The following CDKN1C variants were observed in gnomAD, a reference collection of about 807,000 sequenced individuals.
CDKN1C encodes cyclin dependent kinase inhibitor 1C, also known as cyclin-dependent kinase inhibitor 1C.
A neutral mutation model predicts 16.5 loss-of-function variants in CDKN1C; 7 were observed. That is an observed-to-expected ratio of 0.42 (90% CI 0.24 to 0.80). CDKN1C has a LOEUF of 0.80. CDKN1C is among the 30% of genes least tolerant of loss of function. The pLI is 0.26. For missense variants in CDKN1C, 429 were observed against 437.3 expected, an observed-to-expected ratio of 0.98 and a Z score of 0.17; for synonymous variants, 288 against 214.4, an observed-to-expected ratio of 1.34 and a Z score of -3.00.
Position 2,883,672 on chromosome 11 carries a change from T to C in CDKN1C, c.*249A>G. The C allele has an allele frequency of 1.2e-6, 1 of 812,848 alleles. No individual in the cohort carries two copies. The highest frequency in any genetic ancestry group is 1.7e-6 in the Non-Finnish European group (1 of 593,556). 50.4% of individuals were successfully genotyped at this position (812,848 alleles called of 1,614,324 possible). ...GAGTTTCAGCAGAGATTAAACATTT[T>C]ATATAAATGACTCTTAAAGCTTTAC... On this transcript the variant is annotated 3_prime_UTR_variant, in exon 4 of 4. Coordinates refer to ENST00000440480, the MANE Select transcript of CDKN1C (RefSeq NM_001122630.2).
rs747982670 is a variant in CDKN1C at position 2,885,310 on chromosome 11, G to A, written c.147C>T (p.Arg49=). 2 of 1,599,418 alleles carry A rather than the reference G, an allele frequency of 1.3e-6. No individual in the cohort carries two copies. Among genetic ancestry groups the A allele is most frequent in the South Asian group, 1.1e-5 (1 of 88,850 alleles). Residue 49 remains arginine, a synonymous_variant, in exon 2 of 4, where the codon CGC becomes CGT. Transcript: ENST00000440480. ...TGTCCTGCTGGAAGTCGTAATCCCA[G>A]CGGTTCTGGTCCTCGGCGTTCAGCT... is the stretch of plus-strand genomic sequence containing the variant. ...LAELNAEDQN[R]WDYDFQQDMP...
At chr11:2,884,626 A>C in intron 2 of CDKN1C, 44 bp downstream of exon 2, 7 of 1,168,602 alleles carry the variant, frequency 6.0e-6, no homozygotes, top group Non-Finnish European at 7.5e-6. Context: ...CGGCCGGACA[A>C]AGCGGGGCCG....
rs1265275989 is a variant in CDKN1C at position 2,884,723 on chromosome 11, G to A, written c.734C>T (p.Ala245Val). ...ISGRPAAGTA[A>V]ASANGAAIKK... is the part of the protein sequence containing the mutation. Reference sequence around the variant, plus strand: ...GATCGCCGCGCCGTTGGCGCTGGCGGCCGCGGTGCCGGCCGCGGGACGTCC... The same window carrying A: ...GATCGCCGCGCCGTTGGCGCTGGCGACCGCGGTGCCGGCCGCGGGACGTCC... The change falls in exon 2 of 4, where the codon GCC becomes GTC. Residue 245 changes from alanine to valine, a missense_variant. Transcript: ENST00000440480. 6.6e-7 allele frequency: 1 copy of A among 1,505,334 alleles called. No individual in the cohort carries two copies. The highest frequency in any genetic ancestry group is 8.8e-7 in the Non-Finnish European group (1 of 1,131,536). 93.2% of individuals were successfully genotyped at this position (1,505,334 alleles called of 1,614,324 possible).
In CDKN1C at chr11:2,884,651, G is replaced by T; in HGVS notation, c.787+19C>A. ...AAGCGGGGCCGGGCCGGGCCGGGGC[G>T]GGGCCGTGCGGGGCTCACCGGAGAT... is the stretch of plus-strand genomic sequence containing the variant. On this transcript the variant is annotated intron_variant, in intron 2 of 3. Transcript: ENST00000440480. The T allele has an allele frequency of 1.6e-6, 2 of 1,261,268 alleles. No homozygotes were observed. The highest frequency in any genetic ancestry group is 1.0e-6 in the Non-Finnish European group (1 of 996,092). The allele number at this position is 1,261,268 out of a possible 1,614,324, so 78.1% of individuals were successfully genotyped here. A position where few individuals can be genotyped will look rare whatever the true frequency, so the allele number is the denominator to read the frequency against.
At position 2,885,373 on chromosome 11, in the gene CDKN1C, G is replaced by T. The variant is rs760980314; in HGVS notation, c.84C>A (p.His28Gln). 1.3e-6 allele frequency: 2 copies of T among 1,580,140 alleles called. No individual in the cohort carries two copies. Among genetic ancestry groups the T allele is most frequent in the Non-Finnish European group, 8.6e-7 (1 of 1,166,098 alleles). ...ACRSLFGPVD[H>Q]EELSRELQAR... is the part of the protein sequence containing the mutation. ...CCTGCAGCTCGCGGCTCAGCTCCTC[G>T]TGGTCCACCGGCCCGAAGAGGCTGC... is the stretch of plus-strand genomic sequence containing the variant. The change falls in exon 2 of 4, where the codon CAC becomes CAA. Residue 28 changes from histidine to glutamine, a missense_variant. By Grantham distance (24) the His-to-Gln change is conservative (BLOSUM62 0). Coordinates refer to ENST00000440480, the MANE Select transcript of CDKN1C (RefSeq NM_001122630.2).
rs926634508 is a variant in CDKN1C, at chr11:2,885,720, G to C, written c.-97C>G. Reference sequence around the variant, plus strand: ...GCGCCCCCTCGATGCCTGCTGGCTAGCTCGCTCGCTCAGGCCTGGCCGGCA... The same window carrying C: ...GCGCCCCCTCGATGCCTGCTGGCTACCTCGCTCGCTCAGGCCTGGCCGGCA... On this transcript the variant is annotated 5_prime_UTR_variant, in exon 1 of 4. Transcript: ENST00000440480. 2 of 600,910 alleles carry C rather than the reference G, an allele frequency of 3.3e-6. No individual in the cohort carries two copies. Among genetic ancestry groups the C allele is most frequent in the Non-Finnish European group, 5.9e-6 (2 of 339,054 alleles). The allele number at this position is 600,910 out of a possible 1,614,324, so 37.2% of individuals were successfully genotyped here.
intron 2 of CDKN1C, 62 bp downstream of exon 2, chr11:2,884,608 G>A: frequency 2.8e-6 from 3 of 1,068,780 alleles, no homozygotes; most frequent in Non-Finnish European, 3.6e-6. Flanking sequence ...AGGGCTGGGG[G>A]GACCGGCCGG....
intron 2 of CDKN1C, 153 bp downstream of exon 2, chr11:2,884,517 G>C (rs1249063455): frequency 1.6e-5 from 6 of 384,864 alleles, no homozygotes; most frequent in Non-Finnish European, 2.6e-5. Flanking sequence ...GGCGGGGAGG[G>C]GGGTAAGGGC....
Position 2,885,233 on chromosome 11 carries a change from G to A in CDKN1C, c.224C>T (p.Ser75Leu), listed in dbSNP as rs897964106. Residue 75 changes from serine (S) to leucine (L), a missense_variant, in exon 2 of 4, where the codon TCG becomes TTG. Coordinates refer to ENST00000440480, the MANE Select transcript of CDKN1C (RefSeq NM_001122630.2). ...CGTCTCGCGGTAGAACGCGGGCACC[G>A]AGTCGCTGTCCACTTCGGTCCACTG... ...RLQWTEVDSD[S>L]VPAFYRETVQ... 1.9e-6 allele frequency: 3 copies of A among 1,552,432 alleles called. No homozygotes were observed. The highest frequency in any genetic ancestry group is 1.2e-5 in the South Asian group (1 of 84,550).
chr11:2,883,971 C>A (rs1848870093), intron 3 of CDKN1C, 28 bp downstream of exon 3: 9 of 1,543,396 alleles, frequency 5.8e-6, no homozygotes, highest in Non-Finnish European at 7.9e-6. Flanking sequence ...GTCGGCCCTC[C>A]GCGCCCCCCC....
chr11:2,883,949 G>T (rs1401840763), intron 3 of CDKN1C, 34 bp from the exon 4 acceptor site: 2 of 1,575,888 alleles, frequency 1.3e-6, no homozygotes. Context: ...AAAGCCGGCG[G>T]GGACCCGGCG....
Position 2,885,746 on chromosome 11 carries a change from C to T in CDKN1C, c.-123G>A. ...CTCGCTCGCTCAGGCCTGGCCGGCA[C>T]CCCTCGAGCACAGCGCACTTGGCCT... is the stretch of plus-strand genomic sequence containing the variant. On this transcript the variant is annotated 5_prime_UTR_variant, in exon 1 of 4. The change creates a new upstream start codon in the 5' untranslated region. Coordinates refer to ENST00000440480, the MANE Select transcript of CDKN1C (RefSeq NM_001122630.2). 1.7e-6 allele frequency: 1 copy of T among 583,444 alleles called. No individual in the cohort carries two copies. Among genetic ancestry groups the T allele is most frequent in the Non-Finnish European group, 3.1e-6 (1 of 327,422 alleles). The allele number at this position is 583,444 out of a possible 1,614,324, so 36.1% of individuals were successfully genotyped here.
At chr11:2,884,158 C>A in intron 2 of CDKN1C, 24 bp from the exon 3 acceptor site, 1 of 1,459,058 alleles carries the variant, frequency 6.9e-7, no homozygotes, top group Non-Finnish European at 9.1e-7. Context: ...CGCGCGCGGC[C>A]GGTCAGGGCG....
chr11:2,885,463 T>A lies in CDKN1C; in HGVS notation c.-7A>T. 1 of 1,545,684 alleles carries A rather than the reference T, an allele frequency of 6.5e-7. No individual in the cohort carries two copies. Among genetic ancestry groups the A allele is most frequent in the East Asian group, 2.4e-5 (1 of 40,956 alleles). ...GGGCGACAAGACGCTCCATCGTGGA[T>A]GTGCTGCGGAGGGACGCGTCGGACA... On this transcript the variant is annotated 5_prime_UTR_variant, in exon 2 of 4. Coordinates refer to ENST00000440480, the MANE Select transcript of CDKN1C (RefSeq NM_001122630.2).
intron 2 of CDKN1C, 32 bp downstream of exon 2, chr11:2,884,638 G>A: frequency 2.5e-6 from 3 of 1,206,788 alleles, no homozygotes; most frequent in South Asian, 3.1e-5. Flanking sequence ...GCGGGGCCGG[G>A]CCGGGCCGGG....
chr11:2,884,002 G>C lies in CDKN1C; in HGVS notation c.*2C>G. On this transcript the variant is annotated 3_prime_UTR_variant, in exon 3 of 4. Transcript: ENST00000440480. ...CCCCCAGGTGCGCTGTACTCACTTG[G>C]CTCACCGCAGCCTCTTGCGCGGGGT... The C allele has an allele frequency of 1.3e-6, 2 of 1,558,578 alleles. No homozygotes were observed. Among genetic ancestry groups the C allele is most frequent in the Non-Finnish European group, 1.7e-6 (2 of 1,152,292 alleles).
Position 2,885,146 on chromosome 11 carries a change from A to C in CDKN1C, c.311T>G (p.Val104Gly). 6.6e-7 allele frequency: 1 copy of C among 1,515,274 alleles called. No individual in the cohort carries two copies. Among genetic ancestry groups the C allele is most frequent in the Non-Finnish European group, 8.8e-7 (1 of 1,138,428 alleles). The allele number at this position is 1,515,274 out of a possible 1,614,324, so 93.9% of individuals were successfully genotyped here. The change falls in exon 2 of 4, where the codon GTC becomes GGC. Residue 104 changes from valine (V) to glycine (G), a missense_variant. Val to Gly is a moderately radical substitution (Grantham distance 109). Coordinates refer to ENST00000440480, the MANE Select transcript of CDKN1C (RefSeq NM_001122630.2). ...AGCGGCCGGCTCGAGGGGCGGGCTG[A>C]CAGCCACCGCGACCGCGACGGGCCG... is the stretch of plus-strand genomic sequence containing the variant. Reference protein sequence around the residue: ...APRPVAVAVAVSPPLEPAAES... With the variant: ...APRPVAVAVAGSPPLEPAAES...
intron 2 of CDKN1C, 135 bp from the exon 3 acceptor site, chr11:2,884,269 G>T: frequency 2.2e-6 from 1 of 448,172 alleles, no homozygotes; most frequent in Non-Finnish European, 3.0e-6. Flanking sequence ...TCCGCGGCGG[G>T]TCAGCTTTGT....
Position 2,885,652 on chromosome 11 carries a change from A to T in CDKN1C, c.-29T>A. The T allele has an allele frequency of 1.2e-6, 1 of 836,070 alleles. No individual in the cohort carries two copies. Among genetic ancestry groups the T allele is most frequent in the African/African-American group, 1.7e-5 (1 of 58,588 alleles). The allele number at this position is 836,070 out of a possible 1,614,324, so 51.8% of individuals were successfully genotyped here. A position where few individuals can be genotyped will look rare whatever the true frequency, so the allele number is the denominator to read the frequency against. On this transcript the variant is annotated 5_prime_UTR_variant, in exon 1 of 4. Coordinates refer to ENST00000440480, the MANE Select transcript of CDKN1C (RefSeq NM_001122630.2). ...CGGCTACCTGGCTGTCCGGTGGTGG[A>T]CTCTTCTGCGTCGGGTTCGCCTGTC...
Sources: allele counts gnomAD v4.1 joint callset, GRCh38; gene constraint gnomAD v4.1.1; transcripts MANE v1.5; gene names NCBI Gene and HGNC (gene_info 2026-07-23, HGNC 2026-07-21).